Variants in CCDC171 observed in about 807,000 individuals in gnomAD.
CCDC171 encodes the protein coiled-coil domain-containing protein 171.
A neutral mutation model predicts 168.2 loss-of-function variants in CCDC171; 177 were observed. That is an observed-to-expected ratio of 1.05 (90% CI 0.93 to 1.19). The LOEUF (loss-of-function observed/expected upper bound fraction) is 1.19, where lower values mean the gene tolerates loss of function less well. Ranked by LOEUF, CCDC171 falls within the 50% of genes most tolerant of loss-of-function variation. CCDC171 has a pLI of 0.00. For missense variants in CCDC171, 1,991 were observed against 1,539.0 expected, an observed-to-expected ratio of 1.29 and a Z score of -4.91; for synonymous variants, 687 against 540.8, an observed-to-expected ratio of 1.27 and a Z score of -3.75.
chr9:15,760,849 A>G (rs1164694830), intron 18 of CCDC171, among the ~76,000 whole-genome samples: 1 of 151,928 alleles, frequency 6.6e-6, no homozygotes, highest in African/African-American at 2.4e-5. Flanking sequence ...ACAGGTGGCA[A>G]CCTTCTTGCT....
chr9:15,684,646 G>T (rs982363100), intron 10 of CCDC171, among the ~76,000 whole-genome samples: 1 of 152,090 alleles, frequency 6.6e-6, no homozygotes, highest in Non-Finnish European at 1.5e-5. Flanking sequence ...AAGAGAAGAT[G>T]ATTATGAAAC....
intron 6 of CCDC171, among the ~76,000 whole-genome samples, chr9:15,603,578 A>G (rs932863537): frequency 9.2e-5 from 14 of 152,184 alleles, no homozygotes; most frequent in Non-Finnish European, 2.9e-5. Context: ...TGCAAAAGAC[A>G]TGATTTCATT....
Position 15,650,096 on chromosome 9 carries a change from G to GT in CCDC171, c.823-7030dup, listed in dbSNP as rs1365060884. 7.2e-5 allele frequency among the ~76,000 whole-genome samples: 11 copies of GT among 152,324 alleles called. No homozygotes were observed. In the East Asian group the frequency reaches 1.9e-3, roughly 27 times the overall value. Reference sequence around the variant, plus strand: ...AAAAAAGGATGAGTTCATGTCCTTTGTAGGGACATGGATGAAGCTGGAAAC... The same window carrying GT: ...AAAAAAGGATGAGTTCATGTCCTTTGTTAGGGACATGGATGAAGCTGGAAAC... On this transcript the variant is annotated intron_variant, in intron 7 of 25. Transcript: ENST00000380701.
In CCDC171 at chr9:15,856,962, A is replaced by T. The variant is rs150799374; in HGVS notation, c.3468+8015A>T. On this transcript the variant is annotated intron_variant, in intron 23 of 25. Transcript: ENST00000380701. ...GATTTTTATTTCCTTGATGATAGTG[A>T]CATTGAGGATGTTTTCATATACCTG... Among the ~76,000 whole-genome samples the T allele has an allele frequency of 2.2e-4, 33 of 152,092 alleles. No individual in the cohort carries two copies. In the East Asian group the frequency reaches 3.5e-3, roughly 16 times the overall value.
chr9:16,106,502 C>A, the CCDC171 span, among the ~76,000 whole-genome samples: 1 of 152,246 alleles, frequency 6.6e-6, no homozygotes, highest in African/African-American at 2.4e-5. Flanking sequence ...AGGATGGCAC[C>A]TTCTCTCTCC....
intron 2 of CCDC171, among the ~76,000 whole-genome samples, chr9:15,566,281 G>A (rs1425048950): frequency 6.6e-6 from 1 of 151,902 alleles, no homozygotes; most frequent in African/African-American, 2.4e-5. Context: ...TTGCTGGCCT[G>A]GTGCAGTAAC....
At chr9:16,058,741 T>C (rs1419175341) in intron 1 of CCDC171, among the ~76,000 whole-genome samples, 2 of 152,216 alleles carry the variant, frequency 1.3e-5, no homozygotes, top group African/African-American at 2.4e-5. Flanking sequence ...ACTGGAGCTG[T>C]TGTTTTGCCT....
chr9:15,750,662 A>G (rs2055663370), intron 18 of CCDC171, among the ~76,000 whole-genome samples: 1 of 152,228 alleles, frequency 6.6e-6, no homozygotes, highest in South Asian at 2.1e-4. Flanking sequence ...ACAGAAACAG[A>G]ACCAACCACA....
intron 11 of CCDC171, among the ~76,000 whole-genome samples, chr9:15,720,476 T>C (rs553539301): frequency 4.7e-4 from 71 of 152,320 alleles, no homozygotes; most frequent in Non-Finnish European, 6.8e-4. Context: ...ATTAGTTGAA[T>C]GAATGAATAG....
chr9:15,628,828 C>A (rs555294520), intron 7 of CCDC171, among the ~76,000 whole-genome samples: 20 of 152,248 alleles, frequency 1.3e-4, no homozygotes, highest in African/African-American at 4.3e-4. Flanking sequence ...TCCTCTGAGA[C>A]AAAACTTCCA....
Position 15,784,671 on chromosome 9 carries a change from CA to C in CCDC171, c.3247del (p.Thr1083LeufsTer16). 1 of 1,612,378 alleles carries C rather than the reference CA, an allele frequency of 6.2e-7. No individual in the cohort carries two copies. Among genetic ancestry groups the C allele is most frequent in the Non-Finnish European group, 8.5e-7 (1 of 1,179,062 alleles). ...CTCCAGTGAGGAAGCTGACAAAAACCAAACTCTTGGAGAAGCTGTTAAGGTA... is the reference window on the plus strand; with the variant it reads ...CTCCAGTGAGGAAGCTGACAAAAACCAACTCTTGGAGAAGCTGTTAAGGTA... ...LHSSEEADKNQTLGEAVKSLS... is the reference protein window; with the variant it reads ...LHSSEEADKNXTLGEAVKSLS... On this transcript the variant is annotated frameshift_variant, in exon 21 of 26. Coordinates refer to ENST00000380701, the MANE Select transcript of CCDC171 (RefSeq NM_173550.4). LOFTEE classifies it high-confidence loss of function.
chr9:16,021,705 C>T (rs1266133885), intron 4 of CCDC171, among the ~76,000 whole-genome samples: 1 of 152,134 alleles, frequency 6.6e-6, no homozygotes. Flanking sequence ...AGTGGGTATT[C>T]AATAAATGAT....
At chr9:15,713,896 A>T (rs1281592237) in intron 11 of CCDC171, among the ~76,000 whole-genome samples, 1 of 151,520 alleles carries the variant, frequency 6.6e-6, no homozygotes, top group Non-Finnish European at 1.5e-5. Flanking sequence ...CAGAGTTGAT[A>T]TAGCTCTGTG....
chr9:15,974,497 C>G (rs3008746), downstream of CCDC171, among the ~76,000 whole-genome samples: 1 of 151,920 alleles, frequency 6.6e-6, no homozygotes, highest in Non-Finnish European at 1.5e-5. Context: ...TTTACACTTC[C>G]GAATGTGGAT....
intron 9 of CCDC171, among the ~76,000 whole-genome samples, chr9:15,677,916 ATATATATAT>A (rs1387335379): frequency 0.012 from 377 of 32,306 alleles, 45 homozygotes; most frequent in East Asian, 0.098. Context: ...ATATATATAT[ATATATATAT>A]AAGAGATGTG....
intron 3 of CCDC171, 27 bp downstream of exon 3, chr9:15,571,786 T>C (rs2040242124): frequency 6.4e-7 from 1 of 1,552,782 alleles, no homozygotes; most frequent in South Asian, 1.3e-5. Context: ...TCTCAAATAA[T>C]GTTAAAAGTT....
At chr9:15,873,839 T>G (rs1817501805) in intron 23 of CCDC171, among the ~76,000 whole-genome samples, 1 of 152,150 alleles carries the variant, frequency 6.6e-6, no homozygotes, top group Non-Finnish European at 1.5e-5. Context: ...ATCGGTGATG[T>G]GTTTGTATTG....
chr9:15,812,717 A>C (rs1410559103), intron 21 of CCDC171, among the ~76,000 whole-genome samples: 1 of 152,186 alleles, frequency 6.6e-6, no homozygotes, highest in African/African-American at 2.4e-5. Flanking sequence ...TCCTACTGTC[A>C]GGATAGAAGG....
At chr9:15,896,992 A>T (rs893318277) in intron 24 of CCDC171, among the ~76,000 whole-genome samples, 4 of 152,110 alleles carry the variant, frequency 2.6e-5, no homozygotes, top group East Asian at 3.8e-4. Context: ...GCAGTGCAAG[A>T]TGAAAGCCTT....
Sources: gnomAD v4.1 joint callset for allele counts (sites outside exome capture counted in the v4.1 genomes callset) on GRCh38, gnomAD v4.1.1 for gene constraint, MANE v1.5 for transcripts, NCBI Gene and HGNC (gene_info 2026-07-23, HGNC 2026-07-21) for gene names.